The following PRKN variants were observed in gnomAD, a reference collection of about 807,000 sequenced individuals.
PRKN encodes E3 ubiquitin-protein ligase parkin.
Under a neutral mutation model 59.5 loss-of-function variants are expected in PRKN, and 56 were observed. The observed-to-expected ratio is 0.94, with a 90% CI of 0.76 to 1.18. The LOEUF is 1.18. PRKN is among the 50% of genes most tolerant of loss of function. The pLI, the probability that PRKN is intolerant of heterozygous loss-of-function variation, is 0.00. For synonymous variants in PRKN, 250 were observed against 222.1 expected (o/e 1.13, Z -1.12); for missense variants, 657 against 596.4 (o/e 1.10, Z -1.06).
At chr6:162,252,703 G>A (rs1779485256) in intron 3 of PRKN, among the ~76,000 whole-genome samples, 1 of 152,224 alleles carries the variant, frequency 6.6e-6, no homozygotes, top group Non-Finnish European at 1.5e-5. Context: ...AGCTTTAAAG[G>A]TGCCTTGTTC....
chr6:162,001,232 G>A (rs1476606117), intron 5 of PRKN, among the ~76,000 whole-genome samples: 6 of 151,976 alleles, frequency 3.9e-5, no homozygotes, highest in Non-Finnish European at 1.5e-5. Flanking sequence ...ATAAAATTGG[G>A]AAGAATTAAC....
chr6:162,534,573 T>C (rs1778641616), intron 1 of PRKN, among the ~76,000 whole-genome samples: 1 of 152,202 alleles, frequency 6.6e-6, no homozygotes, highest in African/African-American at 2.4e-5. Context: ...ATACACTGAC[T>C]GAATATATTT....
At chr6:161,420,303 T>C (rs1788040446) in intron 9 of PRKN, among the ~76,000 whole-genome samples, 1 of 149,646 alleles carries the variant, frequency 6.7e-6, no homozygotes, top group African/African-American at 2.5e-5. Flanking sequence ...AAATTAAGAG[T>C]AATGAATATG....
At chr6:162,480,783 T>C (rs1792268552) in intron 1 of PRKN, among the ~76,000 whole-genome samples, 2 of 152,084 alleles carry the variant, frequency 1.3e-5, no homozygotes, top group African/African-American at 4.8e-5. Context: ...TTAGATAGTA[T>C]GGAAGGAGAC....
At position 161,547,696 on chromosome 6, in the gene PRKN, C is replaced by G. The variant is rs1265421322; in HGVS notation, c.1083+1158G>C. 6.6e-6 allele frequency among the ~76,000 whole-genome samples: 1 copy of G among 152,230 alleles called. No individual in the cohort carries two copies. The highest frequency in any genetic ancestry group is 1.9e-4 in the East Asian group (1 of 5,204). ...AGGTTGGCAACCTGCTGAGGCCACA[C>G]ACAATCATTGCAGATAATTCAGCAC... On this transcript the variant is annotated intron_variant, in intron 9 of 11. Transcript: ENST00000366898. The surrounding 1 kb of genome is among the most constrained non-coding windows in gnomAD (Gnocchi z 4.0).
chr6:161,588,157 G>A lies in PRKN; in HGVS notation c.872-18741C>T, dbSNP rs998604918. Among the ~76,000 whole-genome samples, 5 of 152,108 alleles carry A rather than the reference G, an allele frequency of 3.3e-5. No individual in the cohort carries two copies. Among genetic ancestry groups the A allele is most frequent in the South Asian group, 2.1e-4 (1 of 4,814 alleles). On this transcript the variant is annotated intron_variant, in intron 7 of 11. Coordinates refer to ENST00000366898, the MANE Select transcript of PRKN (RefSeq NM_004562.3). The surrounding 1 kb of genome is among the most constrained non-coding windows in gnomAD (Gnocchi z 5.0). ...TCCCAGCACTTTGGGAGGCCGAGTC[G>A]GGTGGATCACAAGGTCAGGAGTTCG...
chr6:162,085,172 C>G (rs746042752), intron 4 of PRKN, among the ~76,000 whole-genome samples: 2 of 148,246 alleles, frequency 1.3e-5, no homozygotes, highest in South Asian at 2.2e-4. Context: ...TTTAAAAAAC[C>G]CTACATAGGC....
intron 6 of PRKN, among the ~76,000 whole-genome samples, chr6:161,809,764 G>A (rs1385931597): frequency 6.6e-6 from 1 of 152,050 alleles, no homozygotes; most frequent in East Asian, 1.9e-4. Context: ...CAAGAGACAA[G>A]TCCCACATCA....
chr6:162,042,092 C>A (rs1784087673), intron 5 of PRKN, among the ~76,000 whole-genome samples: 1 of 151,962 alleles, frequency 6.6e-6, no homozygotes. Flanking sequence ...CCTCACAATG[C>A]ATCAATGCAT....
chr6:161,375,675 G>C lies in PRKN; in HGVS notation c.1167+11119C>G, dbSNP rs115375182. Among the ~76,000 whole-genome samples the C allele has an allele frequency of 2.1e-3, 318 of 152,244 alleles. 1 individual carries two copies. The highest frequency in any genetic ancestry group is 7.1e-3 in the African/African-American group (296 of 41,538). The stretch of plus-strand genomic sequence containing the variant: ...GCCTGGAAGAGGAGGAAATGAAACC[G>C]GGCCTTTGACGACCTGCCAAGGGCC... On this transcript the variant is annotated intron_variant, in intron 10 of 11. Transcript: ENST00000366898.
intron 3 of PRKN, among the ~76,000 whole-genome samples, chr6:162,245,654 C>G (rs1343607173): frequency 6.6e-6 from 1 of 152,108 alleles, no homozygotes; most frequent in Non-Finnish European, 1.5e-5. Flanking sequence ...GGAATAGTTC[C>G]TGAAGTCAGA....
intron 1 of PRKN, among the ~76,000 whole-genome samples, chr6:162,480,266 A>C (rs1792238809): frequency 6.6e-6 from 1 of 152,152 alleles, no homozygotes; most frequent in Non-Finnish European, 1.5e-5. Flanking sequence ...TGGCGAAGAC[A>C]TCACTAGGCT....
In PRKN at chr6:161,460,900, C is replaced by T. The variant is rs927492400; in HGVS notation, c.1084-74023G>A. ...AAGTAGCTGGGACTACAGGTACGCA[C>T]CACCACGCCCAGCTAATTTTTCTTT... On this transcript the variant is annotated intron_variant, in intron 9 of 11. Coordinates refer to ENST00000366898, the MANE Select transcript of PRKN (RefSeq NM_004562.3). The surrounding 1 kb of genome is among the most constrained non-coding windows in gnomAD (Gnocchi z 5.0). Among the ~76,000 whole-genome samples the T allele has an allele frequency of 2.0e-5, 3 of 151,954 alleles. No individual in the cohort carries two copies. The highest frequency in any genetic ancestry group is 4.4e-5 in the Non-Finnish European group (3 of 67,968).
rs903267444 is a variant in PRKN, at chr6:162,076,289, CA to C, written c.535-22116del. On this transcript the variant is annotated intron_variant, in intron 4 of 11. Transcript: ENST00000366898. ...CCAGCCAAGGAAGGCCTTCTTAATC[CA>C]AAAAAAACCAAATAAGATTTGGCCA... is the stretch of plus-strand genomic sequence containing the variant. Among the ~76,000 whole-genome samples, 19 of 151,456 alleles carry C rather than the reference CA, an allele frequency of 1.3e-4. 1 individual carries two copies. Among genetic ancestry groups the C allele is most frequent in the African/African-American group, 4.6e-4 (19 of 41,198 alleles).
At chr6:161,713,720 T>C (rs1033727848) in intron 7 of PRKN, among the ~76,000 whole-genome samples, 6 of 152,198 alleles carry the variant, frequency 3.9e-5, no homozygotes, top group Middle Eastern at 3.4e-3. Flanking sequence ...CTAAAAAGGG[T>C]GCTCCAGGTT....
chr6:162,043,805 T>C (rs903347853), intron 5 of PRKN, among the ~76,000 whole-genome samples: 1 of 152,222 alleles, frequency 6.6e-6, no homozygotes, highest in Non-Finnish European at 1.5e-5. Flanking sequence ...AAAATCTTCA[T>C]ACTGGATCAT....
At chr6:162,117,857 G>A (rs1194499111) in intron 4 of PRKN, among the ~76,000 whole-genome samples, 3 of 152,182 alleles carry the variant, frequency 2.0e-5, no homozygotes, top group African/African-American at 7.2e-5. Context: ...AGCACTTTGG[G>A]AGGCTGAGAT....
Position 161,849,771 on chromosome 6 carries a change from A to C in PRKN, c.735-63863T>G, listed in dbSNP as rs1291992633. Among the ~76,000 whole-genome samples the C allele has an allele frequency of 3.3e-5, 5 of 152,330 alleles. No homozygotes were observed. The East Asian group carries it at 9.6e-4, about 29-fold the overall frequency. Reference sequence around the variant, plus strand: ...TTATAATTTAAGAAAGAATAGGAAAAAACGGAGAGCAACTTGATTTGAAAA... The same window carrying C: ...TTATAATTTAAGAAAGAATAGGAAACAACGGAGAGCAACTTGATTTGAAAA... On this transcript the variant is annotated intron_variant, in intron 6 of 11. Coordinates refer to ENST00000366898, the MANE Select transcript of PRKN (RefSeq NM_004562.3).
At chr6:162,237,428 G>T (rs554733661) in intron 3 of PRKN, among the ~76,000 whole-genome samples, 1 of 152,066 alleles carries the variant, frequency 6.6e-6, no homozygotes, top group Non-Finnish European at 1.5e-5. Flanking sequence ...TCATATTATT[G>T]AAAGTTTCTT....
Sources: allele counts gnomAD v4.1 joint callset (sites outside exome capture counted in the v4.1 genomes callset), GRCh38; gene constraint gnomAD v4.1.1; non-coding constraint Gnocchi (gnomAD v3.1); transcripts MANE v1.5; gene names NCBI Gene and HGNC (gene_info 2026-07-23, HGNC 2026-07-21).